ITGA6: variants seen among roughly 807,000 people sequenced by gnomAD.
ITGA6 encodes integrin alpha-6.
In ITGA6, 63 loss-of-function variants were observed where a neutral mutation model predicts 133.6. The ratio of observed to expected loss-of-function variants is 0.47; its 90% CI spans 0.38 to 0.58. ITGA6 has a LOEUF of 0.58. Ranked by LOEUF, ITGA6 falls within the 20% of genes least tolerant of loss-of-function variation. The pLI, the probability that ITGA6 is intolerant of heterozygous loss-of-function variation, is 0.00. For synonymous variants in ITGA6, 434 were observed against 482.0 expected, an observed-to-expected ratio of 0.90 and a Z score of 1.30; for missense variants, 1,068 against 1,309.4, an observed-to-expected ratio of 0.82 and a Z score of 2.85.
At chr2:172,437,851 T>G (rs1197278192) in intron 1 of ITGA6, among the ~76,000 whole-genome samples, 1 of 146,854 alleles carries the variant, frequency 6.8e-6, no homozygotes, top group Non-Finnish European at 1.5e-5. Flanking sequence ...AGGGAGGGAG[T>G]GTGTGGTCCT....
chr2:172,505,091 A>G lies in ITGA6; in HGVS notation c.*1023A>G, dbSNP rs1687503049. On this transcript the variant is annotated 3_prime_UTR_variant, in exon 26 of 26. Transcript: ENST00000684293. ...AGAGAGTTGTTTTAATAACTTATCT[A>G]TAAACTATAACCTCTCCTTCATGAC... 1 of 152,660 alleles carries G rather than the reference A, an allele frequency of 6.6e-6. No individual in the cohort carries two copies. Among genetic ancestry groups the G allele is most frequent in the South Asian group, 2.1e-4 (1 of 4,830 alleles). The allele number at this position is 152,660 out of a possible 1,614,324, so 9.5% of individuals were successfully genotyped here.
chr2:172,431,654 C>T (rs530473120), intron 1 of ITGA6, among the ~76,000 whole-genome samples: 6 of 152,310 alleles, frequency 3.9e-5, no homozygotes, highest in Admixed American at 1.3e-4. Context: ...TTTATTCACT[C>T]GGAGTGCCAT....
At chr2:172,444,432 A>C (rs566919570) in intron 1 of ITGA6, among the ~76,000 whole-genome samples, 1 of 152,346 alleles carries the variant, frequency 6.6e-6, no homozygotes, top group African/African-American at 2.4e-5. Flanking sequence ...ATGAACAACC[A>C]AAATCTGAAA....
intron 3 of ITGA6, among the ~76,000 whole-genome samples, chr2:172,468,747 A>G (rs1212357284): frequency 6.6e-6 from 1 of 152,216 alleles, no homozygotes; most frequent in East Asian, 1.9e-4. Context: ...CCACTTTCAC[A>G]CTGATGTTCT....
At chr2:172,434,826 A>G (rs1325386924) in intron 1 of ITGA6, among the ~76,000 whole-genome samples, 1 of 152,140 alleles carries the variant, frequency 6.6e-6, no homozygotes, top group Non-Finnish European at 1.5e-5. Context: ...TGAGAGAAAC[A>G]TGCTTTCTAA....
At chr2:172,497,255 C>T (rs550807748) in intron 23 of ITGA6, among the ~76,000 whole-genome samples, 84 of 151,878 alleles carry the variant, frequency 5.5e-4, no homozygotes, top group Non-Finnish European at 8.5e-4. Context: ...CTTATGATAC[C>T]CACACTTTGG....
chr2:172,463,269 G>A (rs1685508777), intron 1 of ITGA6, among the ~76,000 whole-genome samples: 1 of 152,162 alleles, frequency 6.6e-6, no homozygotes, highest in Admixed American at 6.5e-5. Flanking sequence ...TTGGGTGTGG[G>A]TGAGAAGAGG....
intron 1 of ITGA6, among the ~76,000 whole-genome samples, chr2:172,451,479 G>A (rs1317156982): frequency 4.0e-5 from 6 of 150,066 alleles, no homozygotes; most frequent in Non-Finnish European, 8.9e-5. Context: ...AAAAAAAAAA[G>A]GGAATGCTTA....
At chr2:172,487,477 G>A (rs1686737798) in intron 15 of ITGA6, 24 bp downstream of exon 15, 1 of 1,611,606 alleles carries the variant, frequency 6.2e-7, no homozygotes, top group African/African-American at 1.3e-5. Flanking sequence ...GAGACCAGCT[G>A]AGAGGGGAAA....
Position 172,501,856 on chromosome 2 carries a change from G to T in ITGA6, c.3199G>T (p.Glu1067Ter). ...GATCCATGCTCAGCCATCTGATAAA[G>T]AGAGGCTTACTTCTGATGCATAGTA... ...AEIHAQPSDK[E>*]RLTSDA The change falls in exon 25 of 26, where the codon GAG (glutamate) becomes TAG (stop). Residue 1067 changes from glutamate (E) to a stop codon, truncating the protein, a stop_gained. Transcript: ENST00000684293. LOFTEE classifies it high-confidence loss of function. 6.2e-7 allele frequency: 1 copy of T among 1,611,914 alleles called. No homozygotes were observed.
In ITGA6 at chr2:172,505,444, C is replaced by A. The variant is rs1687519675; in HGVS notation, c.*1376C>A. ...TGTTCTATTTTTTGTTTTGTTTCCT[C>A]CCCTATCTGTATTCCCAAAAATTAC... On this transcript the variant is annotated 3_prime_UTR_variant, in exon 26 of 26. Coordinates refer to ENST00000684293, the MANE Select transcript of ITGA6 (RefSeq NM_000210.4). 6.6e-6 allele frequency: 1 copy of A among 152,188 alleles called. No homozygotes were observed. The highest frequency in any genetic ancestry group is 2.4e-5 in the African/African-American group (1 of 41,434). The allele number at this position is 152,188 out of a possible 1,614,324, so 9.4% of individuals were successfully genotyped here.
chr2:172,475,524 C>A, intron 7 of ITGA6, 73 bp from the exon 8 acceptor site: 3 of 896,682 alleles, frequency 3.3e-6, no homozygotes, highest in Non-Finnish European at 5.7e-6. Context: ...CTTGTGTCAT[C>A]TTACTTTAAA....
chr2:172,479,764 G>T (rs774343893), intron 10 of ITGA6, 25 bp downstream of exon 10: 2 of 1,596,308 alleles, frequency 1.3e-6, no homozygotes, highest in African/African-American at 1.3e-5. Flanking sequence ...GTCTTGGTGG[G>T]ATCCCCCTCA....
chr2:172,489,927 T>C (rs1007997109), intron 20 of ITGA6: 7 of 407,700 alleles, frequency 1.7e-5, no homozygotes, highest in African/African-American at 4.1e-5. Flanking sequence ...TGACCCAGTA[T>C]GTTACATAAT....
chr2:172,483,464 T>C (rs771025109), intron 11 of ITGA6, among the ~76,000 whole-genome samples: 1 of 152,242 alleles, frequency 6.6e-6, no homozygotes, highest in Non-Finnish European at 1.5e-5. Flanking sequence ...ATTTTTGTCC[T>C]GGAGATTGCC....
chr2:172,484,592 A>C (rs1046963982), intron 11 of ITGA6, among the ~76,000 whole-genome samples, 190 bp from the exon 12 acceptor site: 23 of 152,254 alleles, frequency 1.5e-4, no homozygotes, highest in Non-Finnish European at 1.9e-4. Flanking sequence ...CATTGTTAAC[A>C]GCAAAAGGAA....
At chr2:172,454,307 C>G (rs1430933053) in intron 1 of ITGA6, among the ~76,000 whole-genome samples, 3 of 152,098 alleles carry the variant, frequency 2.0e-5, no homozygotes, top group Non-Finnish European at 4.4e-5. Flanking sequence ...TGGTCTCAAT[C>G]TCCTGACCTC....
intron 24 of ITGA6, 27 bp downstream of exon 24, chr2:172,498,127 C>A: frequency 1.2e-6 from 2 of 1,603,398 alleles, no homozygotes; most frequent in Non-Finnish European, 1.7e-6. Context: ...ATTTGAATTT[C>A]ATAACAAACT....
At chr2:172,462,695 C>T (rs1685481610) in intron 1 of ITGA6, among the ~76,000 whole-genome samples, 1 of 152,164 alleles carries the variant, frequency 6.6e-6, no homozygotes, top group African/African-American at 2.4e-5. Context: ...TGAGGGAAGC[C>T]AACCCACTCT....
Sources: allele counts gnomAD v4.1 joint callset (sites outside exome capture counted in the v4.1 genomes callset), GRCh38; gene constraint gnomAD v4.1.1; transcripts MANE v1.5; gene names NCBI Gene and HGNC (gene_info 2026-07-23, HGNC 2026-07-21).